GALK2: variants seen among roughly 807,000 people sequenced by gnomAD.
The protein encoded by GALK2 is galactokinase 2, also known as N-acetylgalactosamine kinase.
GALK2 carries 36 observed loss-of-function variants against 52.4 expected under a neutral mutation model. The observed-to-expected ratio is 0.69, with a 90% CI of 0.53 to 0.91. GALK2 has a LOEUF of 0.91. Among genes scored for constraint, GALK2 ranks in the 40% least tolerant of loss-of-function variants. GALK2 has a pLI of 0.00. For missense variants in GALK2, 579 were observed against 559.1 expected (o/e 1.04, Z -0.36); for synonymous variants, 176 against 199.1 (o/e 0.88, Z 0.98).
chr15:49,236,892 A>T (rs1306585493), intron 4 of GALK2, among the ~76,000 whole-genome samples: 1 of 152,210 alleles, frequency 6.6e-6, no homozygotes, highest in African/African-American at 2.4e-5. Context: ...GTGTAGTCCT[A>T]TACTGTAACA....
chr15:49,238,018 T>G (rs1433857171), intron 4 of GALK2, among the ~76,000 whole-genome samples: 1 of 152,132 alleles, frequency 6.6e-6, no homozygotes, highest in African/African-American at 2.4e-5. Flanking sequence ...GGTGCGAGAA[T>G]TTTGCTAGCT....
At chr15:49,269,089 T>A (rs1170879748) in intron 5 of GALK2, among the ~76,000 whole-genome samples, 1 of 152,216 alleles carries the variant, frequency 6.6e-6, no homozygotes, top group East Asian at 1.9e-4. Context: ...CAATCATTTA[T>A]TTTTCAAAGG....
At chr15:49,173,241 A>G (rs1374987664) in intron 1 of GALK2, among the ~76,000 whole-genome samples, 1 of 152,212 alleles carries the variant, frequency 6.6e-6, no homozygotes, top group Non-Finnish European at 1.5e-5. Flanking sequence ...TTTAACATGT[A>G]TCAGTATATC....
intron 1 of GALK2, among the ~76,000 whole-genome samples, chr15:49,162,600 T>A (rs1451610930): frequency 6.6e-6 from 1 of 152,206 alleles, no homozygotes; most frequent in East Asian, 1.9e-4. Context: ...CTAACTAAAA[T>A]ACAGCAAAGG....
chr15:49,366,668 C>T (rs1260232922), intron 3 of GALK2: 2 of 1,530,718 alleles, frequency 1.3e-6, no homozygotes, highest in African/African-American at 2.7e-5. Flanking sequence ...AGGGGACAGC[C>T]GCCGCTGCGG....
At chr15:49,269,198 TTCTTTTG>T (rs1382373455) in intron 5 of GALK2, among the ~76,000 whole-genome samples, 22 of 152,340 alleles carry the variant, frequency 1.4e-4, no homozygotes, top group African/African-American at 5.3e-4. Context: ...TTGTCAGCAC[TTCTTTTG>T]GTTCTCCCAT....
intron 3 of GALK2, among the ~76,000 whole-genome samples, chr15:49,362,060 A>G (rs2044334177): frequency 6.6e-6 from 1 of 151,956 alleles, no homozygotes; most frequent in Non-Finnish European, 1.5e-5. Flanking sequence ...AAATGTGTTC[A>G]TTCATGTCTT....
chr15:49,258,587 C>A (rs1390017698), intron 5 of GALK2, among the ~76,000 whole-genome samples: 1 of 151,964 alleles, frequency 6.6e-6, no homozygotes, highest in African/African-American at 2.4e-5. Context: ...GTGCTATACA[C>A]CCACATGATG....
At chr15:49,324,852 C>T (rs1424341015) in intron 9 of GALK2, among the ~76,000 whole-genome samples, 1 of 152,178 alleles carries the variant, frequency 6.6e-6, no homozygotes, top group Non-Finnish European at 1.5e-5. Context: ...TTGTGCTGGG[C>T]TGGGGTCAGA....
At chr15:49,159,985 T>G (rs766858007) in intron 1 of GALK2, among the ~76,000 whole-genome samples, 2 of 151,952 alleles carry the variant, frequency 1.3e-5, no homozygotes, top group Non-Finnish European at 2.9e-5. Context: ...ATAAGATTAA[T>G]AATACTGGCC....
At chr15:49,340,677 G>C (rs1414649297) in intron 3 of GALK2, among the ~76,000 whole-genome samples, 1 of 152,130 alleles carries the variant, frequency 6.6e-6, no homozygotes, top group Admixed American at 6.5e-5. Context: ...TTTGTTGGAT[G>C]CATAGTTTGT....
At chr15:49,294,627 A>T (rs1198553128) in intron 8 of GALK2, among the ~76,000 whole-genome samples, 1 of 152,154 alleles carries the variant, frequency 6.6e-6, no homozygotes, top group East Asian at 1.9e-4. Context: ...GTGGACTGGA[A>T]ATTGTGCTAG....
Position 49,329,688 on chromosome 15 carries a change from C to T in GALK2, c.*1529C>T. The T allele has an allele frequency of 9.2e-6, 9 of 977,714 alleles. No homozygotes were observed. Among genetic ancestry groups the T allele is most frequent in the African/African-American group, 1.8e-5 (1 of 56,932 alleles). The allele number at this position is 977,714 out of a possible 1,614,324, so 60.6% of individuals were successfully genotyped here. On this transcript the variant is annotated 3_prime_UTR_variant, in exon 10 of 10. Transcript: ENST00000560031. ...AAAAGAATTTTGAGTTCTATAAATC[C>T]AAAAATCTGAAACCTGAATTTATTT... is the stretch of plus-strand genomic sequence containing the variant.
intron 2 of GALK2, among the ~76,000 whole-genome samples, chr15:49,201,529 G>A (rs1426931243): frequency 6.6e-6 from 1 of 152,044 alleles, no homozygotes; most frequent in Non-Finnish European, 1.5e-5. Context: ...CTAGGCCACA[G>A]GTTAAAATTT....
intron 3 of GALK2, chr15:49,366,768 G>C: frequency 1.5e-6 from 1 of 674,802 alleles, no homozygotes; most frequent in Non-Finnish European, 2.4e-6. Context: ...CGCTGCCTCC[G>C]TGGCGGGGGC....
rs978070062 is a variant in GALK2 at position 49,331,279 on chromosome 15, C to A, written c.*3120C>A. The A allele has an allele frequency of 1.9e-5, 3 of 153,908 alleles. No individual in the cohort carries two copies. The highest frequency in any genetic ancestry group is 7.2e-5 in the African/African-American group (3 of 41,432). 9.5% of individuals were successfully genotyped at this position (153,908 alleles called of 1,614,324 possible). A position where few individuals can be genotyped will look rare whatever the true frequency, so the allele number is the denominator to read the frequency against. On this transcript the variant is annotated 3_prime_UTR_variant, in exon 10 of 10. Coordinates refer to ENST00000560031, the MANE Select transcript of GALK2 (RefSeq NM_002044.4). ...AAGCCCTTCAGACTTAACAAGAATGCCCATAAGTAAAGAGAAGCAAAAGAG... is the reference window on the plus strand; with the variant it reads ...AAGCCCTTCAGACTTAACAAGAATGACCATAAGTAAAGAGAAGCAAAAGAG...
chr15:49,347,328 A>G (rs764266178), intron 3 of GALK2, among the ~76,000 whole-genome samples: 5 of 152,242 alleles, frequency 3.3e-5, no homozygotes, highest in Non-Finnish European at 4.4e-5. Context: ...CAGAAGAACT[A>G]TAAAATTTAG....
chr15:49,164,780 C>CAAAAAAAAAAAAAAAAAAAAAAAAAAA (rs36107125), intron 1 of GALK2, among the ~76,000 whole-genome samples: 4 of 65,182 alleles, frequency 6.1e-5, no homozygotes, highest in Admixed American at 2.0e-4. Context: ...AACTCCGTCT[C>CAAAAAAAAAAAAAAAAAAAAAAAAAAA]AAAAAAAAAA....
chr15:49,310,157 T>G (rs1202979912), intron 8 of GALK2, among the ~76,000 whole-genome samples: 1 of 152,214 alleles, frequency 6.6e-6, no homozygotes, highest in Non-Finnish European at 1.5e-5. Context: ...CTGTGCCTGA[T>G]TTATCTCACA....
Sources: gnomAD v4.1 joint callset for allele counts (sites outside exome capture counted in the v4.1 genomes callset) on GRCh38, gnomAD v4.1.1 for gene constraint, MANE v1.5 for transcripts, NCBI Gene and HGNC (gene_info 2026-07-23, HGNC 2026-07-21) for gene names.